Variants in MGRN1 observed in about 807,000 individuals in gnomAD.
MGRN1 encodes mahogunin ring finger 1.
In MGRN1, 29 loss-of-function variants were observed where a neutral mutation model predicts 69.2. The ratio of observed to expected loss-of-function variants is 0.42; its 90% CI spans 0.31 to 0.57. The LOEUF is 0.57. MGRN1 is among the 20% of genes least tolerant of loss of function. The pLI is 0.15. For synonymous variants in MGRN1, 470 were observed against 344.2 expected (o/e 1.37, Z -4.04); for missense variants, 998 against 796.2 (o/e 1.25, Z -3.05).
intron 1 of MGRN1, among the ~76,000 whole-genome samples, chr16:4,635,331 C>T (rs1009418668): frequency 6.6e-6 from 1 of 152,160 alleles, no homozygotes; most frequent in African/African-American, 2.4e-5. Context: ...GTGGGAGAAT[C>T]TCTTGAAACC....
chr16:4,681,770 C>A lies in MGRN1; in HGVS notation c.1352C>A (p.Pro451His). 1 of 1,610,454 alleles carries A rather than the reference C, an allele frequency of 6.2e-7. No individual in the cohort carries two copies. Among genetic ancestry groups the A allele is most frequent in the Non-Finnish European group, 8.5e-7 (1 of 1,178,680 alleles). ...RQKGRPQSKA[P>H]DSTLRSPSSP... The stretch of plus-strand genomic sequence containing the variant: ...AAGGGCAGGCCGCAGAGCAAGGCCC[C>A]CGACAGGTGAGCAGCAGCCAGGCCA... Residue 451 changes from proline (P) to histidine (H), a missense_variant, in exon 13 of 17, where the codon CCC becomes CAC. By Grantham distance (77) the Pro-to-His change is moderately conservative. Coordinates refer to ENST00000262370, the MANE Select transcript of MGRN1 (RefSeq NM_015246.4).
In MGRN1 at chr16:4,667,725, C is replaced by T. The variant is rs1026380158; in HGVS notation, c.679-540C>T. ...GTAATTAACCTTGTTGAACTCTGAGCGGTGGTGTGTTTCCCTGGATACCGC... is the reference window on the plus strand; with the variant it reads ...GTAATTAACCTTGTTGAACTCTGAGTGGTGGTGTGTTTCCCTGGATACCGC... On this transcript the variant is annotated intron_variant, in intron 7 of 16. Transcript: ENST00000262370. 1.4e-4 allele frequency among the ~76,000 whole-genome samples: 22 copies of T among 152,214 alleles called. 1 individual carries two copies. Among genetic ancestry groups the T allele is most frequent in the Admixed American group, 9.8e-4 (15 of 15,280 alleles).
At position 4,657,348 on chromosome 16, in the gene MGRN1, A is replaced by G. The variant is rs2078569584; in HGVS notation, c.546A>G (p.Glu182=). ...CCTCCTTCAAGATTGACTTCTCGGA[A>G]TGGAAGGATGACGAGGTAATGCTGG... ...SLPSFKIDFS[E]WKDDELNFDL... is the part of the protein sequence containing the mutation. Residue 182 remains glutamate, a synonymous_variant, in exon 5 of 17, where the codon GAA becomes GAG. Coordinates refer to ENST00000262370, the MANE Select transcript of MGRN1 (RefSeq NM_015246.4). 4 of 1,613,960 alleles carry G rather than the reference A, an allele frequency of 2.5e-6. No homozygotes were observed. The highest frequency in any genetic ancestry group is 1.7e-5 in the Admixed American group (1 of 60,024).
At chr16:4,664,204 AAGC>A (rs2078748264) in intron 5 of MGRN1, 1 of 174,564 alleles carries the variant, frequency 5.7e-6, no homozygotes, top group Non-Finnish European at 1.2e-5. Flanking sequence ...AGAAAAAGGA[AAGC>A]AGCACCGATG....
intron 4 of MGRN1, among the ~76,000 whole-genome samples, chr16:4,653,832 A>G (rs540596430): frequency 6.6e-6 from 1 of 151,684 alleles, no homozygotes; most frequent in Non-Finnish European, 1.5e-5. Flanking sequence ...GGCTCACTGC[A>G]ACCTCCGCCT....
chr16:4,675,520 C>T (rs952563682), intron 10 of MGRN1, among the ~76,000 whole-genome samples: 1 of 152,078 alleles, frequency 6.6e-6, no homozygotes, highest in Non-Finnish European at 1.5e-5. Context: ...AGGAGGATCG[C>T]TTGAGCCCAA....
chr16:4,673,977 CTTATTTTATTT>C lies in MGRN1; in HGVS notation c.955+326_955+336del, dbSNP rs548950506. On this transcript the variant is annotated intron_variant, in intron 10 of 16. Transcript: ENST00000262370. ...TTGATGAGTGAATGAAATCTTTATT[CTTATTTTATTT>C]TTATTATTTTTTGTTTGAGACAGTT... Among the ~76,000 whole-genome samples, 601 of 152,292 alleles carry C rather than the reference CTTATTTTATTT, an allele frequency of 3.9e-3. 2 individuals are homozygous for C. The highest frequency in any genetic ancestry group is 0.014 in the African/African-American group (571 of 41,568).
rs962112684 is a variant in MGRN1, at chr16:4,683,402, C to G, written c.1528+133C>G. 17 of 1,066,970 alleles carry G rather than the reference C, an allele frequency of 1.6e-5. No individual in the cohort carries two copies. In the African/African-American group the frequency reaches 2.7e-4, roughly 17 times the overall value. 66.1% of individuals were successfully genotyped at this position (1,066,970 alleles called of 1,614,324 possible). A position where few individuals can be genotyped will look rare whatever the true frequency, so the allele number is the denominator to read the frequency against. Reference sequence around the variant, plus strand: ...CAGGAACCCTCGGCCAAGAGGCCCCCCTCGGCGGCACTGGGATCCCGGCTG... The same window carrying G: ...CAGGAACCCTCGGCCAAGAGGCCCCGCTCGGCGGCACTGGGATCCCGGCTG... On this transcript the variant is annotated intron_variant, in intron 15 of 16. Coordinates refer to ENST00000262370, the MANE Select transcript of MGRN1 (RefSeq NM_015246.4).
At chr16:4,680,224 C>A in intron 12 of MGRN1, 127 bp downstream of exon 12, 1 of 933,442 alleles carries the variant, frequency 1.1e-6, no homozygotes, top group Non-Finnish European at 1.6e-6. Flanking sequence ...GCTCCACTTG[C>A]CCAGTCCCGG....
rs2141999171 is a variant in MGRN1, at chr16:4,690,842, G to C, written c.*1934G>C. 7.1e-6 allele frequency: 1 copy of C among 141,744 alleles called. No individual in the cohort carries two copies. Among genetic ancestry groups the C allele is most frequent in the East Asian group, 2.1e-4 (1 of 4,778 alleles). The allele number at this position is 141,744 out of a possible 1,614,324, so 8.8% of individuals were successfully genotyped here. A position where few individuals can be genotyped will look rare whatever the true frequency, so the allele number is the denominator to read the frequency against. On this transcript the variant is annotated 3_prime_UTR_variant, in exon 17 of 17. Coordinates refer to ENST00000262370, the MANE Select transcript of MGRN1 (RefSeq NM_015246.4). Reference sequence around the variant, plus strand: ...CCTCTGGCCATCAGTCCTGGTGCCAGAGCTTTGCGTGAAGTTCGGGCCGCA... The same window carrying C: ...CCTCTGGCCATCAGTCCTGGTGCCACAGCTTTGCGTGAAGTTCGGGCCGCA...
At chr16:4,678,694 C>A (rs2079108956) in intron 11 of MGRN1, among the ~76,000 whole-genome samples, 1 of 152,234 alleles carries the variant, frequency 6.6e-6, no homozygotes, top group African/African-American at 2.4e-5. Context: ...CCCTGCTCCC[C>A]ACTGGCCACG....
At chr16:4,683,975 CT>C in intron 16 of MGRN1, 43 bp downstream of exon 16, 1 of 1,511,312 alleles carries the variant, frequency 6.6e-7, no homozygotes, top group Non-Finnish European at 9.0e-7. Context: ...GGGTGCCTGT[CT>C]TAGTCCCCAG....
intron 4 of MGRN1, among the ~76,000 whole-genome samples, chr16:4,654,319 T>C (rs934482418): frequency 6.6e-6 from 1 of 152,238 alleles, no homozygotes; most frequent in African/African-American, 2.4e-5. Flanking sequence ...TAGAGGACTC[T>C]GTGTCAGGAA....
At chr16:4,635,937 T>C (rs60441108) in intron 1 of MGRN1, among the ~76,000 whole-genome samples, 1,920 of 150,570 alleles carry the variant, frequency 0.013, 41 homozygotes, top group African/African-American at 0.044. Flanking sequence ...GTGACTACCG[T>C]GCCCGGCCTC....
At chr16:4,660,851 G>A (rs2078661745) in intron 5 of MGRN1, among the ~76,000 whole-genome samples, 1 of 152,246 alleles carries the variant, frequency 6.6e-6, no homozygotes, top group African/African-American at 2.4e-5. Flanking sequence ...AGGCCCCCCA[G>A]ACCGGGGAAG....
At chr16:4,655,001 A>G (rs1057513719) in intron 4 of MGRN1, among the ~76,000 whole-genome samples, 3 of 152,198 alleles carry the variant, frequency 2.0e-5, no homozygotes, top group African/African-American at 7.2e-5. Context: ...CCTGTGTGCT[A>G]TGACAGGCGT....
At chr16:4,631,996 T>TA (rs1204316390) in intron 1 of MGRN1, among the ~76,000 whole-genome samples, 3 of 143,152 alleles carry the variant, frequency 2.1e-5, no homozygotes, top group Non-Finnish European at 3.0e-5. Context: ...CTAGTAGTGA[T>TA]AAAAAATTTC....
chr16:4,658,331 C>G (rs1453932950), intron 5 of MGRN1, among the ~76,000 whole-genome samples: 4 of 149,718 alleles, frequency 2.7e-5, no homozygotes, highest in African/African-American at 7.4e-5. Context: ...GTCAGGAGAT[C>G]AAGACCATCC....
chr16:4,677,521 C>T lies in MGRN1; in HGVS notation c.1014C>T (p.Pro338=), dbSNP rs375465698. The change falls in exon 11 of 17, where the codon CCC becomes CCT. Residue 338 remains proline (P), a synonymous_variant. Transcript: ENST00000262370. ...GGAAGAAGCCAGGAGCCCTGTCCCC[C>T]GTGTCCTTCAGCCCCGTCCTGGCCC... ...AVRKKPGALS[P]VSFSPVLAQS... is the part of the protein sequence containing the mutation. 1.3e-5 allele frequency: 20 copies of T among 1,597,650 alleles called. No individual in the cohort carries two copies. In the African/African-American group the frequency reaches 2.0e-4, roughly 16 times the overall value.
Sources: allele counts gnomAD v4.1 joint callset (sites outside exome capture counted in the v4.1 genomes callset), GRCh38; gene constraint gnomAD v4.1.1; transcripts MANE v1.5; gene names NCBI Gene and HGNC (gene_info 2026-07-23, HGNC 2026-07-21).